Variants in PCSK2 observed in about 807,000 individuals in gnomAD.
PCSK2 encodes the protein proprotein convertase subtilisin/kexin type 2.
Under a neutral mutation model 69.7 loss-of-function variants are expected in PCSK2, and 14 were observed. The ratio of observed to expected loss-of-function variants is 0.20; its 90% CI spans 0.13 to 0.31. The LOEUF (loss-of-function observed/expected upper bound fraction) is 0.31. PCSK2 is among the 10% of genes least tolerant of loss of function. The pLI is 1.00. For synonymous variants in PCSK2, 307 were observed against 320.7 expected (o/e 0.96, Z 0.46); for missense variants, 544 against 842.5 (o/e 0.65, Z 4.39).
At chr20:17,391,047 C>T (rs749630854) in intron 5 of PCSK2, among the ~76,000 whole-genome samples, 16 of 152,174 alleles carry the variant, frequency 1.1e-4, no homozygotes, top group African/African-American at 2.2e-4. Context: ...TTATAAACTA[C>T]GAGACGAATG....
At chr20:17,231,834 T>TTGAG (rs1183448903) in intron 1 of PCSK2, among the ~76,000 whole-genome samples, 8 of 152,220 alleles carry the variant, frequency 5.3e-5, no homozygotes, top group Middle Eastern at 3.4e-3. Flanking sequence ...TTTAAAGGAA[T>TTGAG]TGAGTTTCTT....
intron 1 of PCSK2, among the ~76,000 whole-genome samples, chr20:17,241,827 G>A (rs1986585107): frequency 6.6e-6 from 1 of 152,190 alleles, no homozygotes; most frequent in Admixed American, 6.5e-5. Context: ...AGAAAGAACA[G>A]TGGTGTATCA....
chr20:17,343,354 A>G (rs1293048459), intron 2 of PCSK2, among the ~76,000 whole-genome samples: 3 of 152,246 alleles, frequency 2.0e-5, no homozygotes, highest in Non-Finnish European at 4.4e-5. Flanking sequence ...CTCATCTAAG[A>G]AAACAGTATA....
chr20:17,444,218 T>A (rs1346717421), intron 8 of PCSK2, among the ~76,000 whole-genome samples: 1 of 152,236 alleles, frequency 6.6e-6, no homozygotes, highest in Non-Finnish European at 1.5e-5. Context: ...AATTTTATCA[T>A]CCTGTACATA....
In PCSK2 at chr20:17,389,491, C is replaced by G. The variant is rs184669166; in HGVS notation, c.544-19772C>G. 3.0e-3 allele frequency among the ~76,000 whole-genome samples: 453 copies of G among 152,022 alleles called. 3 individuals carry two copies. The highest frequency in any genetic ancestry group is 0.011 in the African/African-American group (437 of 41,450). On this transcript the variant is annotated intron_variant, in intron 5 of 11. Coordinates refer to ENST00000262545, the MANE Select transcript of PCSK2 (RefSeq NM_002594.5). ...TTAACAACAATGAATATCGACTGAACCTGAAGAAACAGATGCTCTTTGGTT... is the reference window on the plus strand; with the variant it reads ...TTAACAACAATGAATATCGACTGAAGCTGAAGAAACAGATGCTCTTTGGTT...
At chr20:17,366,268 T>C (rs1374505355) in intron 4 of PCSK2, among the ~76,000 whole-genome samples, 1 of 152,222 alleles carries the variant, frequency 6.6e-6, no homozygotes. Context: ...GAATTGGGAC[T>C]ATTGTGGATT....
At chr20:17,404,237 G>A (rs1019177052) in intron 5 of PCSK2, among the ~76,000 whole-genome samples, 2 of 152,206 alleles carry the variant, frequency 1.3e-5, no homozygotes, top group African/African-American at 4.8e-5. Context: ...CAATTTTGTA[G>A]TTGGACCACA....
intron 2 of PCSK2, among the ~76,000 whole-genome samples, chr20:17,267,211 A>C (rs1453341075): frequency 1.3e-5 from 2 of 152,150 alleles, no homozygotes; most frequent in Non-Finnish European, 2.9e-5. Flanking sequence ...TTTTGAACAC[A>C]AATAGTGAAG....
chr20:17,288,772 C>T (rs570783710), intron 2 of PCSK2, among the ~76,000 whole-genome samples: 1 of 152,306 alleles, frequency 6.6e-6, no homozygotes, highest in African/African-American at 2.4e-5. Flanking sequence ...ACCCAGATGA[C>T]ACCTTGATCT....
chr20:17,334,419 G>A (rs1039689380), intron 2 of PCSK2, among the ~76,000 whole-genome samples: 31 of 152,272 alleles, frequency 2.0e-4, no homozygotes, highest in Admixed American at 1.9e-3. Flanking sequence ...ATTAACTTGG[G>A]TATGCCACAT....
chr20:17,264,181 A>G (rs1276883175), intron 2 of PCSK2, among the ~76,000 whole-genome samples: 1 of 152,226 alleles, frequency 6.6e-6, no homozygotes, highest in East Asian at 1.9e-4. Flanking sequence ...AAAAACATGA[A>G]GGACTCATAA....
At chr20:17,446,065 C>T (rs1460108163) in intron 8 of PCSK2, among the ~76,000 whole-genome samples, 3 of 152,218 alleles carry the variant, frequency 2.0e-5, no homozygotes, top group Non-Finnish European at 4.4e-5. Flanking sequence ...GTTGGCCCAC[C>T]TGGGCCCAGT....
At chr20:17,459,685 C>A (rs2032980664) in intron 10 of PCSK2, among the ~76,000 whole-genome samples, 1 of 152,210 alleles carries the variant, frequency 6.6e-6, no homozygotes, top group South Asian at 2.1e-4. Flanking sequence ...ATTGAGCACA[C>A]TGGGTAAAGT....
chr20:17,398,680 G>A (rs952090575), intron 5 of PCSK2, among the ~76,000 whole-genome samples: 1 of 151,980 alleles, frequency 6.6e-6, no homozygotes, highest in African/African-American at 2.4e-5. Context: ...ATGAACAAAG[G>A]TGTTAGCTCA....
chr20:17,345,589 C>T (rs1264499328), intron 2 of PCSK2, among the ~76,000 whole-genome samples: 1 of 152,188 alleles, frequency 6.6e-6, no homozygotes, highest in Non-Finnish European at 1.5e-5. Context: ...CAAAAGCAGT[C>T]AGCAGACTAG....
Position 17,465,563 on chromosome 20 carries a change from G to A in PCSK2, c.1430+10G>A. 1.3e-6 allele frequency: 2 copies of A among 1,534,160 alleles called. No individual in the cohort carries two copies. Among genetic ancestry groups the A allele is most frequent in the Non-Finnish European group, 1.8e-6 (2 of 1,124,782 alleles). On this transcript the variant is annotated intron_variant, in intron 11 of 11. Transcript: ENST00000262545. ...CCGTGCAGGACCCTGAGTAAGTGGGGGTAGTGGTCCCTCTGCTGCATGTGG... is the reference window on the plus strand; with the variant it reads ...CCGTGCAGGACCCTGAGTAAGTGGGAGTAGTGGTCCCTCTGCTGCATGTGG...
chr20:17,444,377 G>T (rs1005118102), intron 8 of PCSK2, among the ~76,000 whole-genome samples: 1 of 152,216 alleles, frequency 6.6e-6, no homozygotes, highest in African/African-American at 2.4e-5. Context: ...TCACCTACCT[G>T]ACTCCTTAGG....
chr20:17,229,050 C>T (rs1340226045), intron 1 of PCSK2, among the ~76,000 whole-genome samples: 1 of 152,058 alleles, frequency 6.6e-6, no homozygotes, highest in Non-Finnish European at 1.5e-5. Flanking sequence ...CCAAACTTGG[C>T]AAGACCCAGG....
At chr20:17,269,802 C>A (rs565294790) in intron 2 of PCSK2, among the ~76,000 whole-genome samples, 2 of 152,188 alleles carry the variant, frequency 1.3e-5, no homozygotes, top group South Asian at 4.1e-4. Flanking sequence ...GAATTGGGCA[C>A]CTCTTTTTAA....
Sources: allele counts gnomAD v4.1 joint callset (sites outside exome capture counted in the v4.1 genomes callset), GRCh38; gene constraint gnomAD v4.1.1; transcripts MANE v1.5; gene names NCBI Gene and HGNC (gene_info 2026-07-23, HGNC 2026-07-21).